Variants in CDH11 observed in about 807,000 individuals in gnomAD.
CDH11 encodes the protein cadherin-11.
In CDH11, 11 loss-of-function variants were observed where a neutral mutation model predicts 67.8. That is an observed-to-expected ratio of 0.16 (90% confidence interval 0.10 to 0.27). The LOEUF (loss-of-function observed/expected upper bound fraction) is 0.27, where lower values mean the gene tolerates loss of function less well. Among genes scored for constraint, CDH11 ranks in the 10% least tolerant of loss-of-function variants. CDH11 has a pLI of 1.00. For missense variants in CDH11, 847 were observed against 1,031.2 expected, an observed-to-expected ratio of 0.82 and a Z score of 2.45; for synonymous variants, 419 against 400.0, an observed-to-expected ratio of 1.05 and a Z score of -0.57.
intron 2 of CDH11, among the ~76,000 whole-genome samples, chr16:65,020,887 C>A (rs1240176553): frequency 6.6e-5 from 10 of 151,912 alleles, no homozygotes; most frequent in Non-Finnish European, 1.5e-4. Flanking sequence ...AAGATGGAAC[C>A]CTTTCAGGAA....
rs986107085 is a variant in CDH11 at position 64,945,205 on chromosome 16, A to G, written c.*2398T>C. 4 of 212,564 alleles carry G rather than the reference A, an allele frequency of 1.9e-5. No individual in the cohort carries two copies. The highest frequency in any genetic ancestry group is 3.7e-5 in the Non-Finnish European group (4 of 107,934). The allele number at this position is 212,564 out of a possible 1,614,324, so 13.2% of individuals were successfully genotyped here. On this transcript the variant is annotated 3_prime_UTR_variant, in exon 13 of 13. Transcript: ENST00000268603. Reference sequence around the variant, plus strand: ...ACTTCTTTTAAGGCAATGTGCTCCAAATGAAAAAGGACTCCACTAGTTGGG... The same window carrying G: ...ACTTCTTTTAAGGCAATGTGCTCCAGATGAAAAAGGACTCCACTAGTTGGG...
intron 4 of CDH11, among the ~76,000 whole-genome samples, chr16:64,998,350 G>A (rs2072828255): frequency 6.6e-6 from 1 of 152,234 alleles, no homozygotes; most frequent in Non-Finnish European, 1.5e-5. Flanking sequence ...ATACGCACTA[G>A]CGACTGGATG....
chr16:65,081,625 T>C (rs896867336), intron 1 of CDH11, among the ~76,000 whole-genome samples: 1 of 151,788 alleles, frequency 6.6e-6, no homozygotes, highest in Non-Finnish European at 1.5e-5. Context: ...AATGGGGGTC[T>C]ACTTTGGTTG....
chr16:64,973,001 G>A lies in CDH11; in HGVS notation c.1293C>T (p.Phe431=). ...TAAAACCATCCTCTGGATTAATAGT[G>A]AAAAATCTGTCGAGGTCAGTGTGAC... The part of the protein sequence containing the change: ...IDRHTDLDRF[F]TINPEDGFIK... The change falls in exon 9 of 13, where the codon TTC becomes TTT. Residue 431 remains phenylalanine (F), a synonymous_variant. Coordinates refer to ENST00000268603, the MANE Select transcript of CDH11 (RefSeq NM_001797.4). The A allele has an allele frequency of 6.2e-7, 1 of 1,613,686 alleles. No individual in the cohort carries two copies. Among genetic ancestry groups the A allele is most frequent in the Non-Finnish European group, 8.5e-7 (1 of 1,179,776 alleles).
At chr16:65,028,026 G>A (rs2073567916) in intron 2 of CDH11, among the ~76,000 whole-genome samples, 1 of 152,098 alleles carries the variant, frequency 6.6e-6, no homozygotes, top group Non-Finnish European at 1.5e-5. Flanking sequence ...GGATTGCAAG[G>A]GCACTTCACT....
intron 1 of CDH11, among the ~76,000 whole-genome samples, chr16:65,101,033 T>C (rs920776127): frequency 6.6e-6 from 1 of 152,176 alleles, no homozygotes; most frequent in Admixed American, 6.5e-5. Flanking sequence ...TCTGGTAACT[T>C]TCTTCCTTAA....
chr16:65,011,050 T>TATACACACATATGTATATATATGG (rs2073171535), intron 2 of CDH11, among the ~76,000 whole-genome samples: 1 of 147,630 alleles, frequency 6.8e-6, no homozygotes, highest in African/African-American at 2.5e-5. Flanking sequence ...TATGTATATA[T>TATACACACATATGTATATATATGG]GTATATATAT....
intron 1 of CDH11, among the ~76,000 whole-genome samples, chr16:65,062,973 A>G (rs1348154600): frequency 2.0e-5 from 3 of 152,258 alleles, no homozygotes; most frequent in Non-Finnish European, 4.4e-5. Flanking sequence ...CTCATTAAAT[A>G]CACTGGATTC....
rs192992792 is a variant in CDH11 at position 65,070,509 on chromosome 16, A to T, written c.-297-16581T>A. ...CTGCAAAGTGGTATCTCTAATGACA[A>T]ACTCACAGCATTGCCCTGAAGATTA... On this transcript the variant is annotated intron_variant, in intron 1 of 12. Coordinates refer to ENST00000268603, the MANE Select transcript of CDH11 (RefSeq NM_001797.4). Among the ~76,000 whole-genome samples the T allele has an allele frequency of 3.9e-4, 60 of 152,314 alleles. No individual in the cohort carries two copies. The East Asian group carries it at 9.7e-3, about 25-fold the overall frequency.
At chr16:65,086,488 T>A (rs1370814786) in intron 1 of CDH11, among the ~76,000 whole-genome samples, 1 of 152,236 alleles carries the variant, frequency 6.6e-6, no homozygotes, top group Non-Finnish European at 1.5e-5. Flanking sequence ...GTCTCTGTGA[T>A]GTTAGAATGT....
chr16:64,970,645 A>G (rs2071980286), intron 11 of CDH11, among the ~76,000 whole-genome samples: 2 of 152,224 alleles, frequency 1.3e-5, no homozygotes. Flanking sequence ...AAGTGATAAT[A>G]CTTACTAGAA....
At chr16:65,054,768 T>A (rs1008865638) in intron 1 of CDH11, among the ~76,000 whole-genome samples, 4 of 152,194 alleles carry the variant, frequency 2.6e-5, no homozygotes, top group Non-Finnish European at 5.9e-5. Flanking sequence ...TGAATGTCCT[T>A]CATCTCTAGG....
intron 6 of CDH11, chr16:64,991,557 A>C (rs980606504): frequency 2.0e-6 from 1 of 499,510 alleles, no homozygotes; most frequent in African/African-American, 1.9e-5. Flanking sequence ...AACTTTTTAC[A>C]TCTTTTCATT....
intron 1 of CDH11, among the ~76,000 whole-genome samples, chr16:65,090,069 A>G (rs2074769662): frequency 6.6e-6 from 1 of 152,198 alleles, no homozygotes; most frequent in African/African-American, 2.4e-5. Context: ...TGCAATTTGT[A>G]ATAAAATGAG....
At chr16:65,050,841 C>A (rs895316075) in intron 2 of CDH11, among the ~76,000 whole-genome samples, 3 of 151,366 alleles carry the variant, frequency 2.0e-5, no homozygotes, top group African/African-American at 7.3e-5. Flanking sequence ...AAATTAAATT[C>A]AAGTACTTTC....
At chr16:64,973,080 C>T in intron 8 of CDH11, 40 bp from the exon 9 acceptor site, 1 of 1,594,498 alleles carries the variant, frequency 6.3e-7, no homozygotes. Context: ...CCAAGACATT[C>T]AGAGCAGCTT....
intron 1 of CDH11, among the ~76,000 whole-genome samples, chr16:65,067,998 A>G (rs571845599): frequency 6.4e-5 from 3 of 46,840 alleles, no homozygotes; most frequent in Non-Finnish European, 1.1e-4. Flanking sequence ...GAGGGAGGGA[A>G]GAAGGGAGGG....
chr16:65,075,715 C>A (rs900471605), intron 1 of CDH11, among the ~76,000 whole-genome samples: 1 of 152,174 alleles, frequency 6.6e-6, no homozygotes, highest in African/African-American at 2.4e-5. Context: ...TCCCAGGATG[C>A]CATCCCTAGA....
intron 2 of CDH11, among the ~76,000 whole-genome samples, chr16:65,048,648 G>A (rs1040969294): frequency 2.6e-5 from 4 of 151,536 alleles, no homozygotes; most frequent in East Asian, 1.9e-4. Context: ...GTATATATAC[G>A]TGTCTATATC....
Sources: allele counts gnomAD v4.1 joint callset (sites outside exome capture counted in the v4.1 genomes callset), GRCh38; gene constraint gnomAD v4.1.1; transcripts MANE v1.5; gene names NCBI Gene and HGNC (gene_info 2026-07-23, HGNC 2026-07-21).